Variants in CELF5 observed in about 807,000 individuals in gnomAD.
The protein encoded by CELF5 is CUGBP Elav-like family member 5, also known as CUG-BP and ETR-3 like factor 5.
CELF5 carries 6 observed loss-of-function variants against 54.9 expected under a neutral mutation model. That is an observed-to-expected ratio of 0.11 (90% CI 0.06 to 0.22). The LOEUF (loss-of-function observed/expected upper bound fraction) is 0.22, where lower values mean the gene tolerates loss of function less well. CELF5 is among the 10% of genes least tolerant of loss of function. The pLI, the probability that CELF5 is intolerant of heterozygous loss-of-function variation, is 1.00. For synonymous variants in CELF5, 271 were observed against 290.9 expected (o/e 0.93, Z 0.70); for missense variants, 401 against 678.6 (o/e 0.59, Z 4.54).
At chr19:3,273,832 A>G in intron 2 of CELF5, 40 bp from the exon 3 acceptor site, 1 of 1,179,100 alleles carries the variant, frequency 8.5e-7, no homozygotes, top group East Asian at 2.4e-5. Flanking sequence ...CCACACCCCC[A>G]CTGCTAAGCT....
rs200154750 is a variant in CELF5 at position 3,295,846 on chromosome 19, G to GT, written c.*41-912_*41-911insT. The GT allele has an allele frequency of 3.0e-3, 465 of 152,486 alleles. 4 individuals carry two copies. The highest frequency in any genetic ancestry group is 5.1e-3 in the Non-Finnish European group (348 of 68,592). 9.4% of individuals were successfully genotyped at this position (152,486 alleles called of 1,614,324 possible). A position where few individuals can be genotyped will look rare whatever the true frequency, so the allele number is the denominator to read the frequency against. ...ATAGCCCTTAGCTTTCCGTCGGAGG[G>GT]GGGGGGCGGACAGGGTTGGGGGGAG... On this transcript the variant is annotated intron_variant, in intron 12 of 12. Transcript: ENST00000292672.
At chr19:3,270,862 G>A (rs2079950748) in intron 2 of CELF5, among the ~76,000 whole-genome samples, 1 of 151,998 alleles carries the variant, frequency 6.6e-6, no homozygotes, top group African/African-American at 2.4e-5. Context: ...GGAGGCGGAA[G>A]GTCCCAGGCT....
chr19:3,282,406 C>T lies in CELF5; in HGVS notation c.947C>T (p.Pro316Leu). 1 of 1,612,790 alleles carries T rather than the reference C, an allele frequency of 6.2e-7. No homozygotes were observed. The highest frequency in any genetic ancestry group is 8.5e-7 in the Non-Finnish European group (1 of 1,180,038). ...ACCGCTGTGCCTGGCCTCGTGGCTC[C>T]CATCACCAATGGCTTTGCAGGTGTC... ...GTTAVPGLVA[P>L]ITNGFAGVVP... The change falls in exon 8 of 13, where the codon CCC becomes CTC. Residue 316 changes from proline to leucine, a missense_variant. Pro to Leu is a moderately conservative substitution (Grantham distance 98). Transcript: ENST00000292672. This position sits in a 1 kb window ranked among gnomAD's most constrained non-coding sequence, Gnocchi z 5.2.
rs757771201 is a variant in CELF5 at position 3,275,914 on chromosome 19, G to A, written c.453G>A (p.Leu151=). ...LNKQQSEEDV[L]RLFQPFGVID... is the part of the protein sequence containing the mutation. ...AGCAGCAGTCGGAGGAGGACGTGCT[G>A]CGGCTGTTCCAGCCCTTCGGGGTCA... The change falls in exon 4 of 13, where the codon CTG becomes CTA. Residue 151 remains leucine, a synonymous_variant. Transcript: ENST00000292672. The surrounding 1 kb of genome is among the most constrained non-coding windows in gnomAD (Gnocchi z 6.7). The A allele has an allele frequency of 7.4e-6, 12 of 1,612,336 alleles. No individual in the cohort carries two copies. The highest frequency in any genetic ancestry group is 1.0e-5 in the Non-Finnish European group (12 of 1,179,590).
chr19:3,238,318 C>A (rs1014249315), intron 1 of CELF5, among the ~76,000 whole-genome samples: 1 of 151,128 alleles, frequency 6.6e-6, no homozygotes, highest in East Asian at 2.0e-4. Flanking sequence ...ATCCCCCAAA[C>A]CCTGAGATCC....
Position 3,282,428 on chromosome 19 carries a change from TGTC to T in CELF5, c.972_974del (p.Val325del). On this transcript the variant is annotated inframe_deletion, in exon 8 of 13. Coordinates refer to ENST00000292672, the MANE Select transcript of CELF5 (RefSeq NM_021938.4). This position sits in a 1 kb window ranked among gnomAD's most constrained non-coding sequence, Gnocchi z 5.2. ...CTCCCATCACCAATGGCTTTGCAGG[TGTC>T]GTGCCCTTTCCAGGTGGGCACCCTG... 1 of 1,613,528 alleles carries T rather than the reference TGTC, an allele frequency of 6.2e-7. No individual in the cohort carries two copies. Among genetic ancestry groups the T allele is most frequent in the Non-Finnish European group, 8.5e-7 (1 of 1,180,032 alleles).
At position 3,224,709 on chromosome 19, in the gene CELF5, C is replaced by T; in HGVS notation, c.-31C>T. On this transcript the variant is annotated 5_prime_UTR_variant, in exon 1 of 13. Coordinates refer to ENST00000292672, the MANE Select transcript of CELF5 (RefSeq NM_021938.4). The stretch of plus-strand genomic sequence containing the variant: ...CTGCGAGTCCGCCCGCCGCCCGCCG[C>T]CGCCGCCGCCGGCTCGGTCCCGCGC... 9.7e-7 allele frequency: 1 copy of T among 1,031,104 alleles called. No homozygotes were observed. Among genetic ancestry groups the T allele is most frequent in the Non-Finnish European group, 1.2e-6 (1 of 857,260 alleles). 63.9% of individuals were successfully genotyped at this position (1,031,104 alleles called of 1,614,324 possible).
intron 2 of CELF5, among the ~76,000 whole-genome samples, chr19:3,251,627 C>G (rs1445338162): frequency 6.6e-6 from 1 of 150,948 alleles, no homozygotes; most frequent in Non-Finnish European, 1.5e-5. Flanking sequence ...GCAAACGGAG[C>G]CACAGTTCCT....
At chr19:3,285,789 GC>G (rs1380265512) in intron 9 of CELF5, among the ~76,000 whole-genome samples, 152 bp from the exon 10 acceptor site, 1 of 27,356 alleles carries the variant, frequency 3.7e-5, no homozygotes, top group African/African-American at 1.5e-4. Flanking sequence ...GCCTGGCCCC[GC>G]CCCCAAACCC....
At chr19:3,227,061 C>T (rs554934500) in intron 1 of CELF5, among the ~76,000 whole-genome samples, 3 of 152,204 alleles carry the variant, frequency 2.0e-5, no homozygotes, top group African/African-American at 7.2e-5. Flanking sequence ...TTTAGGGGTC[C>T]CAGGTCCGTC....
chr19:3,234,404 G>C (rs1027773927), intron 1 of CELF5, among the ~76,000 whole-genome samples: 6 of 152,182 alleles, frequency 3.9e-5, no homozygotes, highest in Non-Finnish European at 8.8e-5. Flanking sequence ...CAGCCATGAT[G>C]TGGTTCTCAA....
intron 2 of CELF5, among the ~76,000 whole-genome samples, chr19:3,260,716 A>G (rs993396489): frequency 7.0e-6 from 1 of 143,232 alleles, no homozygotes; most frequent in Admixed American, 7.2e-5. Context: ...TCCGCCTCCC[A>G]GGTTCACGCC....
At chr19:3,272,565 C>T (rs535863920) in intron 2 of CELF5, among the ~76,000 whole-genome samples, 16 of 152,286 alleles carry the variant, frequency 1.1e-4, no homozygotes, top group East Asian at 9.6e-4. Flanking sequence ...CCATTCCAGA[C>T]GCCTTTCTGT....
At chr19:3,266,092 C>T (rs552696442) in intron 2 of CELF5, among the ~76,000 whole-genome samples, 9 of 152,246 alleles carry the variant, frequency 5.9e-5, no homozygotes, top group South Asian at 2.1e-4. Flanking sequence ...CAGGCGTGAG[C>T]GCACCACGCC....
Position 3,228,616 on chromosome 19 carries a change from G to C in CELF5, c.259+3618G>C, listed in dbSNP as rs904411245. On this transcript the variant is annotated intron_variant, in intron 1 of 12. Transcript: ENST00000292672. This position sits in a 1 kb window ranked among gnomAD's most constrained non-coding sequence, Gnocchi z 6.0. Reference sequence around the variant, plus strand: ...GGTTGCGCTGGGGGACGGTGCAGGTGGGGGGGGGGCCCGGCGGGGGCCCGG... The same window carrying C: ...GGTTGCGCTGGGGGACGGTGCAGGTCGGGGGGGGGCCCGGCGGGGGCCCGG... 5.6e-5 allele frequency among the ~76,000 whole-genome samples: 8 copies of C among 142,566 alleles called. No individual in the cohort carries two copies. The South Asian group carries it at 9.0e-4, about 16-fold the overall frequency. The allele number at this position is 142,566 out of a possible 152,430, so 93.5% of individuals were successfully genotyped here.
At position 3,282,603 on chromosome 19, in the gene CELF5, G is replaced by A; in HGVS notation, c.1039+105G>A. 1 of 1,348,128 alleles carries A rather than the reference G, an allele frequency of 7.4e-7. No individual in the cohort carries two copies. The highest frequency in any genetic ancestry group is 1.0e-6 in the Non-Finnish European group (1 of 994,084). 83.5% of individuals were successfully genotyped at this position (1,348,128 alleles called of 1,614,324 possible). On this transcript the variant is annotated intron_variant, in intron 8 of 12. Coordinates refer to ENST00000292672, the MANE Select transcript of CELF5 (RefSeq NM_021938.4). The surrounding 1 kb of genome is among the most constrained non-coding windows in gnomAD (Gnocchi z 5.2). ...ACATCACAGTGCCCAGGGAACAGAA[G>A]GGCAGGAAAAAGGGTGTCTCCGCTG...
At chr19:3,233,976 G>A (rs1306179273) in intron 1 of CELF5, among the ~76,000 whole-genome samples, 5 of 152,222 alleles carry the variant, frequency 3.3e-5, no homozygotes, top group African/African-American at 1.2e-4. Flanking sequence ...GAGGTAGCTG[G>A]AAGACAGAGT....
rs1377248540 is a variant in CELF5, at chr19:3,275,675, G to C, written c.395-181G>C. Among the ~76,000 whole-genome samples, 1 of 151,370 alleles carries C rather than the reference G, an allele frequency of 6.6e-6. No homozygotes were observed. Among genetic ancestry groups the C allele is most frequent in the Non-Finnish European group, 1.5e-5 (1 of 67,778 alleles). ...TGCAGGGCCCGTGGGAGGGTGGAGA[G>C]ATCCGGGGCAGGGAAAGGGCGCGGC... On this transcript the variant is annotated intron_variant, in intron 3 of 12. Coordinates refer to ENST00000292672, the MANE Select transcript of CELF5 (RefSeq NM_021938.4). The surrounding 1 kb of genome is among the most constrained non-coding windows in gnomAD (Gnocchi z 6.7).
Position 3,228,915 on chromosome 19 carries a change from T to TGTGTGTGTGC in CELF5, c.259+3917_259+3918insGTGTGTGTGC, listed in dbSNP as rs60732050. On this transcript the variant is annotated intron_variant, in intron 1 of 12. Coordinates refer to ENST00000292672, the MANE Select transcript of CELF5 (RefSeq NM_021938.4). The surrounding 1 kb of genome is among the most constrained non-coding windows in gnomAD (Gnocchi z 6.0). Reference sequence around the variant, plus strand: ...GTGTGTGTGTGTGTGTGTGTGTGTGTACGCGGGCGCGCGCCTGGGAAGGAC... The same window carrying TGTGTGTGTGC: ...GTGTGTGTGTGTGTGTGTGTGTGTGTGTGTGTGTGCACGCGGGCGCGCGCCTGGGAAGGAC... 1.3e-3 allele frequency among the ~76,000 whole-genome samples: 187 copies of TGTGTGTGTGC among 143,596 alleles called. 12 individuals are homozygous for TGTGTGTGTGC. Among genetic ancestry groups the TGTGTGTGTGC allele is most frequent in the South Asian group, 4.1e-3 (18 of 4,396 alleles). The allele number at this position is 143,596 out of a possible 152,430, so 94.2% of individuals were successfully genotyped here. A position where few individuals can be genotyped will look rare whatever the true frequency, so the allele number is the denominator to read the frequency against.
Sources: gnomAD v4.1 joint callset for allele counts (sites outside exome capture counted in the v4.1 genomes callset) on GRCh38, gnomAD v4.1.1 for gene constraint, Gnocchi (gnomAD v3.1) non-coding constraint, MANE v1.5 for transcripts, NCBI Gene and HGNC (gene_info 2026-07-23, HGNC 2026-07-21) for gene names.